Variants in PCDHGA10 observed in about 807,000 individuals in gnomAD.
PCDHGA10 encodes the protein protocadherin gamma-A10.
PCDHGA10 carries 42 observed loss-of-function variants against 59.5 expected under a neutral mutation model. The ratio of observed to expected loss-of-function variants is 0.71; its 90% CI spans 0.55 to 0.91. The LOEUF (loss-of-function observed/expected upper bound fraction) is 0.91. Among genes scored for constraint, PCDHGA10 ranks in the 40% least tolerant of loss-of-function variants. PCDHGA10 has a pLI of 0.00. For missense variants in PCDHGA10, 1,111 were observed against 1,198.2 expected (o/e 0.93, Z 1.07); for synonymous variants, 511 against 517.2 (o/e 0.99, Z 0.16).
chr5:141,494,925 G>T (rs936071950), intron 2 of PCDHGA10, 60 bp downstream of exon 2: 1 of 1,613,316 alleles, frequency 6.2e-7, no homozygotes. Flanking sequence ...GGGATGACGT[G>T]GGAGGAGATG....
chr5:141,510,813 C>T, intron 3 of PCDHGA10, 134 bp from the exon 4 acceptor site: 1 of 1,537,024 alleles, frequency 6.5e-7, no homozygotes, highest in South Asian at 1.2e-5. Flanking sequence ...CTTGGTGACC[C>T]CTATATTCCC....
Position 141,475,033 on chromosome 5 carries a change from A to G in PCDHGA10, c.2437-19774A>G, listed in dbSNP as rs1223709259. 2.0e-5 allele frequency among the ~76,000 whole-genome samples: 3 copies of G among 152,362 alleles called. No individual in the cohort carries two copies. In the East Asian group the frequency reaches 5.8e-4, roughly 29 times the overall value. ...TTAAGGCTCTTTATTCTGTGACTAA[A>G]GGCTTTGTATTTTCTAAAGATTTGT... is the stretch of plus-strand genomic sequence containing the variant. On this transcript the variant is annotated intron_variant, in intron 1 of 3. Transcript: ENST00000398610.
In PCDHGA10 at chr5:141,486,727, T is replaced by C; in HGVS notation, c.2437-8080T>C. ...TGAACCCCCAGACAGGAGCTGTTCA[T>C]GCTACTCGATCCTTTGACTATGAGC... On this transcript the variant is annotated intron_variant, in intron 1 of 3. Transcript: ENST00000398610. The surrounding 1 kb of genome is among the most constrained non-coding windows in gnomAD (Gnocchi z 5.0). 6.2e-7 allele frequency: 1 copy of C among 1,614,232 alleles called. No homozygotes were observed. Among genetic ancestry groups the C allele is most frequent in the Non-Finnish European group, 8.5e-7 (1 of 1,180,044 alleles).
rs765376157 is a variant in PCDHGA10 at position 141,486,033 on chromosome 5, A to G, written c.2437-8774A>G. 4.3e-6 allele frequency: 7 copies of G among 1,614,148 alleles called. No individual in the cohort carries two copies. The highest frequency in any genetic ancestry group is 5.9e-6 in the Non-Finnish European group (7 of 1,180,014). ...TTTTATTTCAGTGGTCATACCCCTG[A>G]TCGTGTAAGAAACCTCTTTAGCCTG... On this transcript the variant is annotated intron_variant, in intron 1 of 3. Transcript: ENST00000398610. This position sits in a 1 kb window ranked among gnomAD's most constrained non-coding sequence, Gnocchi z 5.0.
intron 1 of PCDHGA10, among the ~76,000 whole-genome samples, chr5:141,452,578 C>T (rs2098744735): frequency 6.6e-6 from 1 of 152,150 alleles, no homozygotes; most frequent in African/African-American, 2.4e-5. Flanking sequence ...TCCCCCTTTC[C>T]ATCTTTGTAT....
At chr5:141,420,403 G>T in intron 1 of PCDHGA10, 3 of 1,246,014 alleles carry the variant, frequency 2.4e-6, no homozygotes, top group East Asian at 2.8e-5. Context: ...TCAAATTTAT[G>T]GTTATCATTA....
chr5:141,489,297 G>T lies in PCDHGA10; in HGVS notation c.2437-5510G>T. On this transcript the variant is annotated intron_variant, in intron 1 of 3. Transcript: ENST00000398610. This position sits in a 1 kb window ranked among gnomAD's most constrained non-coding sequence, Gnocchi z 4.5. Reference sequence around the variant, plus strand: ...GGAAATGGCAAGTGCTGTGCATGTTGTCCTTGTGCTGCTGGGGCTGGGTGT... The same window carrying T: ...GGAAATGGCAAGTGCTGTGCATGTTTTCCTTGTGCTGCTGGGGCTGGGTGT... 1.9e-6 allele frequency: 3 copies of T among 1,583,774 alleles called. No homozygotes were observed. Among genetic ancestry groups the T allele is most frequent in the Non-Finnish European group, 8.6e-7 (1 of 1,164,904 alleles).
Position 141,413,454 on chromosome 5 carries a change from G to A in PCDHGA10, c.279G>A (p.Arg93=), listed in dbSNP as rs765318722. The change falls in exon 1 of 4, where the codon AGG becomes AGA. Residue 93 remains arginine (R), a synonymous_variant. Transcript: ENST00000398610. ...GCGGCAGCTTGATCACCGCGGGCAG[G>A]ATAGACCGGGAGGAGCTCTGCGCTC... ...PRSGSLITAG[R]IDREELCAQS... 2.9e-5 allele frequency: 46 copies of A among 1,614,026 alleles called. No individual in the cohort carries two copies. The highest frequency in any genetic ancestry group is 3.7e-5 in the Non-Finnish European group (44 of 1,179,984).
intron 1 of PCDHGA10, chr5:141,441,448 A>T (rs1415765869): frequency 1.2e-5 from 2 of 161,528 alleles, no homozygotes; most frequent in Non-Finnish European, 2.7e-5. Context: ...CAGCCCAAGC[A>T]TCACCCTACT....
chr5:141,430,705 T>C (rs914464861), intron 1 of PCDHGA10: 3 of 1,477,958 alleles, frequency 2.0e-6, no homozygotes, highest in African/African-American at 2.8e-5. Flanking sequence ...AAGGAACTGC[T>C]CCTGACTTCA....
chr5:141,492,829 C>T (rs2099744241), intron 1 of PCDHGA10, among the ~76,000 whole-genome samples: 1 of 152,232 alleles, frequency 6.6e-6, no homozygotes, highest in Non-Finnish European at 1.5e-5. Context: ...CGGCCCCTTC[C>T]TCCCGCAGGA....
Position 141,449,530 on chromosome 5 carries a change from A to G in PCDHGA10, c.2436+33919A>G, listed in dbSNP as rs2098641850. On this transcript the variant is annotated intron_variant, in intron 1 of 3. Transcript: ENST00000398610. ...CTTGAACCTGGGAGGCGGAGGTTGC[A>G]GTGAGCCGAGATCGCACCACTGCAC... Among the ~76,000 whole-genome samples, 4 of 149,684 alleles carry G rather than the reference A, an allele frequency of 2.7e-5. No individual in the cohort carries two copies. The South Asian group carries it at 8.5e-4, about 32-fold the overall frequency.
intron 1 of PCDHGA10, among the ~76,000 whole-genome samples, chr5:141,451,391 T>C (rs928399948): frequency 6.6e-6 from 1 of 152,162 alleles, no homozygotes; most frequent in Non-Finnish European, 1.5e-5. Context: ...ACATAGTTAA[T>C]GGCAAAATTA....
intron 1 of PCDHGA10, among the ~76,000 whole-genome samples, chr5:141,459,646 T>C (rs2098972004): frequency 6.6e-6 from 1 of 152,266 alleles, no homozygotes; most frequent in Non-Finnish European, 1.5e-5. Context: ...TTTTTCAAAA[T>C]GGTAATATCA....
At chr5:141,460,335 T>C (rs1201595717) in intron 1 of PCDHGA10, among the ~76,000 whole-genome samples, 3 of 152,194 alleles carry the variant, frequency 2.0e-5, no homozygotes, top group Non-Finnish European at 4.4e-5. Flanking sequence ...CTTATGATGA[T>C]TTTCTCCTAT....
chr5:141,462,388 C>T (rs529638718), intron 1 of PCDHGA10, among the ~76,000 whole-genome samples: 86 of 152,204 alleles, frequency 5.7e-4, no homozygotes, highest in Non-Finnish European at 9.4e-4. Context: ...AATTCGTTAA[C>T]ATTTCTTTTA....
chr5:141,461,591 C>T (rs1368759571), intron 1 of PCDHGA10, among the ~76,000 whole-genome samples: 1 of 152,088 alleles, frequency 6.6e-6, no homozygotes, highest in Non-Finnish European at 1.5e-5. Flanking sequence ...GTTATATTTC[C>T]ATTATAATTT....
rs771884610 is a variant in PCDHGA10, at chr5:141,491,436, G to T, written c.2437-3371G>T. 1 of 1,614,070 alleles carries T rather than the reference G, an allele frequency of 6.2e-7. No individual in the cohort carries two copies. ...ACGGGGGTGGAGGGCAGTGCTGCAGGCGCCAGGACTCACCCTCCCCGGACT... is the reference window on the plus strand; with the variant it reads ...ACGGGGGTGGAGGGCAGTGCTGCAGTCGCCAGGACTCACCCTCCCCGGACT... On this transcript the variant is annotated intron_variant, in intron 1 of 3. Coordinates refer to ENST00000398610, the MANE Select transcript of PCDHGA10 (RefSeq NM_018913.3). The surrounding 1 kb of genome is among the most constrained non-coding windows in gnomAD (Gnocchi z 6.9).
intron 1 of PCDHGA10, among the ~76,000 whole-genome samples, chr5:141,463,117 A>G (rs2099053039): frequency 6.6e-6 from 1 of 152,196 alleles, no homozygotes; most frequent in African/African-American, 2.4e-5. Context: ...TTCAGCTAAT[A>G]GCTCCCTGGC....
Sources: gnomAD v4.1 joint callset for allele counts (sites outside exome capture counted in the v4.1 genomes callset) on GRCh38, gnomAD v4.1.1 for gene constraint, Gnocchi (gnomAD v3.1) non-coding constraint, MANE v1.5 for transcripts, NCBI Gene and HGNC (gene_info 2026-07-23, HGNC 2026-07-21) for gene names.